Variants in FAM83B observed in about 807,000 individuals in gnomAD.
The protein encoded by FAM83B is scaffolding CK1 anchoring protein B.
A neutral mutation model predicts 38.8 loss-of-function variants in FAM83B; 26 were observed. That is an observed-to-expected ratio of 0.67 (90% confidence interval 0.49 to 0.93). The LOEUF (loss-of-function observed/expected upper bound fraction) is 0.93, where lower values mean the gene tolerates loss of function less well. FAM83B is among the 40% of genes least tolerant of loss of function. The pLI is 0.00. For synonymous variants in FAM83B, 419 were observed against 423.1 expected (o/e 0.99, Z 0.12); for missense variants, 1,237 against 1,197.3 (o/e 1.03, Z -0.49).
intron 2 of FAM83B, among the ~76,000 whole-genome samples, chr6:54,925,448 T>A (rs1773267542): frequency 6.6e-6 from 1 of 152,146 alleles, no homozygotes; most frequent in African/African-American, 2.4e-5. Flanking sequence ...ACTTAAATGA[T>A]TTTTCCCCTT....
intron 1 of FAM83B, among the ~76,000 whole-genome samples, chr6:54,868,108 AT>A (rs1341328313): frequency 1.3e-5 from 2 of 152,180 alleles, no homozygotes; most frequent in Non-Finnish European, 2.9e-5. Context: ...AACAATGAGC[AT>A]TATGTGCAAA....
rs915698242 is a variant in FAM83B at position 54,942,352 on chromosome 6, A to G, written c.*345A>G. Reference sequence around the variant, plus strand: ...TATGGATTTTAACCATTTCCTTTTAAAAAGGTCATACTACCCTCAGTAACC... The same window carrying G: ...TATGGATTTTAACCATTTCCTTTTAGAAAGGTCATACTACCCTCAGTAACC... On this transcript the variant is annotated 3_prime_UTR_variant, in exon 5 of 5. Coordinates refer to ENST00000306858, the MANE Select transcript of FAM83B (RefSeq NM_001010872.3). 6.6e-6 allele frequency among the ~76,000 whole-genome samples: 1 copy of G among 152,072 alleles called. No homozygotes were observed. Among genetic ancestry groups the G allele is most frequent in the African/African-American group, 2.4e-5 (1 of 41,402 alleles).
Position 54,940,151 on chromosome 6 carries a change from C to T in FAM83B, c.1180C>T (p.Pro394Ser). The T allele has an allele frequency of 6.2e-7, 1 of 1,613,934 alleles. No individual in the cohort carries two copies. The highest frequency in any genetic ancestry group is 8.5e-7 in the Non-Finnish European group (1 of 1,179,972). The change falls in exon 5 of 5, where the codon CCA becomes TCA. Residue 394 changes from proline to serine, a missense_variant. Transcript: ENST00000306858. ...AAGGCATAGTTATGCTGGGGAACAG[C>T]CAGAAACAGTGCCATACCTCCTGCT... ...WKRHSYAGEQ[P>S]ETVPYLLLNR...
intron 2 of FAM83B, among the ~76,000 whole-genome samples, chr6:54,922,047 T>C (rs916122562): frequency 6.6e-6 from 1 of 152,044 alleles, no homozygotes; most frequent in Non-Finnish European, 1.5e-5. Flanking sequence ...TTGTCAGAGA[T>C]GTATAATCTA....
chr6:54,911,270 C>T (rs1261327493), intron 2 of FAM83B, among the ~76,000 whole-genome samples: 2 of 150,784 alleles, frequency 1.3e-5, no homozygotes, highest in Non-Finnish European at 3.0e-5. Flanking sequence ...AAAGAAATGC[C>T]CCTAAACTTT....
At position 54,942,123 on chromosome 6, in the gene FAM83B, T is replaced by C; in HGVS notation, c.*116T>C. 1 of 993,124 alleles carries C rather than the reference T, an allele frequency of 1.0e-6. No homozygotes were observed. Among genetic ancestry groups the C allele is most frequent in the Non-Finnish European group, 1.5e-6 (1 of 685,166 alleles). 61.5% of individuals were successfully genotyped at this position (993,124 alleles called of 1,614,324 possible). On this transcript the variant is annotated 3_prime_UTR_variant, in exon 5 of 5. Transcript: ENST00000306858. ...GACAGAATTATGGGTATGATGTATA[T>C]GTTCACCAGTGTCCTAGTATAAAGT...
chr6:54,927,940 T>C (rs1035329947), intron 4 of FAM83B, among the ~76,000 whole-genome samples: 2 of 152,146 alleles, frequency 1.3e-5, no homozygotes, highest in Non-Finnish European at 2.9e-5. Context: ...TTTTGCTCCT[T>C]ATGGAAACAT....
chr6:54,905,213 G>A (rs958018424), intron 2 of FAM83B, among the ~76,000 whole-genome samples: 1 of 152,174 alleles, frequency 6.6e-6, no homozygotes, highest in African/African-American at 2.4e-5. Context: ...GTTGGCCCCT[G>A]CTGTTCTGGG....
chr6:54,857,621 G>A (rs1712277307), intron 1 of FAM83B, among the ~76,000 whole-genome samples: 1 of 152,198 alleles, frequency 6.6e-6, no homozygotes, highest in Non-Finnish European at 1.5e-5. Context: ...ATCCAAGACA[G>A]TGATGATACC....
At chr6:54,863,102 CA>C (rs1253871463) in intron 1 of FAM83B, among the ~76,000 whole-genome samples, 2 of 151,974 alleles carry the variant, frequency 1.3e-5, no homozygotes, top group African/African-American at 4.8e-5. Flanking sequence ...TTTGAGCGGG[CA>C]AAACAAATAC....
At chr6:54,847,624 G>C (rs201174154) in intron 1 of FAM83B, among the ~76,000 whole-genome samples, 23 of 94,600 alleles carry the variant, frequency 2.4e-4, no homozygotes, top group African/African-American at 1.2e-3. Context: ...TGTGTGATAT[G>C]TGGGGAGACT....
intron 2 of FAM83B, among the ~76,000 whole-genome samples, chr6:54,908,622 C>T (rs1772830134): frequency 6.6e-6 from 1 of 152,134 alleles, no homozygotes; most frequent in South Asian, 2.1e-4. Context: ...AGACTTGCTT[C>T]AGCTATAGCT....
intron 2 of FAM83B, among the ~76,000 whole-genome samples, chr6:54,891,620 G>A (rs1404584591): frequency 6.6e-6 from 1 of 152,062 alleles, no homozygotes; most frequent in East Asian, 1.9e-4. Context: ...TGGCCCACTG[G>A]CCTATCAAAT....
intron 2 of FAM83B, among the ~76,000 whole-genome samples, chr6:54,893,741 G>A (rs578097392): frequency 1.2e-4 from 18 of 152,210 alleles, no homozygotes; most frequent in Admixed American, 2.6e-4. Flanking sequence ...ATAGAGAGGG[G>A]AAATGATTCT....
chr6:54,893,636 C>A (rs572556210), intron 2 of FAM83B, among the ~76,000 whole-genome samples: 1 of 152,234 alleles, frequency 6.6e-6, no homozygotes, highest in South Asian at 2.1e-4. Flanking sequence ...TACGATTCTA[C>A]TACATTAAGT....
At position 54,940,428 on chromosome 6, in the gene FAM83B, A is replaced by G; in HGVS notation, c.1457A>G (p.His486Arg). 1 of 1,614,106 alleles carries G rather than the reference A, an allele frequency of 6.2e-7. No individual in the cohort carries two copies. Among genetic ancestry groups the G allele is most frequent in the Non-Finnish European group, 8.5e-7 (1 of 1,180,018 alleles). ...FLQQRMPTLE[H>R]TTKSFLRNWR... is the part of the protein sequence containing the mutation. ...CAACAACGAATGCCAACCCTTGAACATACCACAAAGTCATTCCTACGTAAC... is the reference window on the plus strand; with the variant it reads ...CAACAACGAATGCCAACCCTTGAACGTACCACAAAGTCATTCCTACGTAAC... Residue 486 changes from histidine (H) to arginine (R), a missense_variant, in exon 5 of 5, where the codon CAT becomes CGT. By Grantham distance (29) the His-to-Arg change is conservative. Transcript: ENST00000306858.
chr6:54,909,523 A>C (rs532266663), intron 2 of FAM83B, among the ~76,000 whole-genome samples: 1 of 152,218 alleles, frequency 6.6e-6, no homozygotes, highest in Non-Finnish European at 1.5e-5. Flanking sequence ...AAAAAGATGA[A>C]ATATTCATTA....
chr6:54,922,652 T>G (rs1218956029), intron 2 of FAM83B, among the ~76,000 whole-genome samples: 1 of 152,088 alleles, frequency 6.6e-6, no homozygotes, highest in East Asian at 1.9e-4. Context: ...AATTGTTCTT[T>G]CTAGAGAAAA....
At chr6:54,883,084 C>T (rs1400451682) in intron 2 of FAM83B, among the ~76,000 whole-genome samples, 1 of 151,784 alleles carries the variant, frequency 6.6e-6, no homozygotes, top group Non-Finnish European at 1.5e-5. Flanking sequence ...ACTACAGGCA[C>T]CCACCACCAC....
Sources: gnomAD v4.1 joint callset for allele counts (sites outside exome capture counted in the v4.1 genomes callset) on GRCh38, gnomAD v4.1.1 for gene constraint, MANE v1.5 for transcripts, NCBI Gene and HGNC (gene_info 2026-07-23, HGNC 2026-07-21) for gene names.